Variants in KIAA0753 observed in about 807,000 individuals in gnomAD.
KIAA0753 encodes the protein KIAA0753.
Under a neutral mutation model 116.9 loss-of-function variants are expected in KIAA0753, and 114 were observed. That is an observed-to-expected ratio of 0.98 (90% CI 0.84 to 1.14). The LOEUF (loss-of-function observed/expected upper bound fraction) is 1.14, where lower values mean the gene tolerates loss of function less well. Ranked by LOEUF, KIAA0753 falls within the 50% of genes most tolerant of loss-of-function variation. The probability of loss-of-function intolerance (pLI) is 0.00; values close to 1 mark genes in which losing one functional copy is unlikely to be tolerated. For missense variants in KIAA0753, 1,156 were observed against 1,172.4 expected (o/e 0.99, Z 0.20); for synonymous variants, 405 against 413.1 (o/e 0.98, Z 0.24).
At chr17:6,592,145 G>A (rs1380813114) in intron 16 of KIAA0753, among the ~76,000 whole-genome samples, 1 of 152,184 alleles carries the variant, frequency 6.6e-6, no homozygotes. Flanking sequence ...AGGATTGAGG[G>A]GAAGAGAGAA....
At chr17:6,600,341 T>A (rs768861074) in intron 13 of KIAA0753, 39 bp downstream of exon 13, 1 of 1,508,012 alleles carries the variant, frequency 6.6e-7, no homozygotes, top group African/African-American at 1.4e-5. Context: ...ATCCAGGACT[T>A]CCAAAAAGCA....
chr17:6,595,256 C>T (rs540996269), intron 15 of KIAA0753, among the ~76,000 whole-genome samples: 4 of 152,298 alleles, frequency 2.6e-5, no homozygotes, highest in South Asian at 4.1e-4. Flanking sequence ...GGCAATCTAG[C>T]CCAGCACTGG....
chr17:6,587,559 A>G (rs1968671260), intron 18 of KIAA0753, among the ~76,000 whole-genome samples: 1 of 152,246 alleles, frequency 6.6e-6, no homozygotes. Flanking sequence ...AGGTTACAAG[A>G]AAATGAGTAC....
Position 6,604,808 on chromosome 17 carries a change from C to T in KIAA0753, c.2009+2065G>A, listed in dbSNP as rs1211466743. On this transcript the variant is annotated intron_variant, in intron 12 of 18. Coordinates refer to ENST00000361413, the MANE Select transcript of KIAA0753 (RefSeq NM_014804.3). ...GAAACTGGGTCTTCGTGTGACTCTA[C>T]GATTACCTCACAATAAGAAGTTTAA... Among the ~76,000 whole-genome samples, 4 of 152,084 alleles carry T rather than the reference C, an allele frequency of 2.6e-5. No individual in the cohort carries two copies. In the East Asian group the frequency reaches 5.8e-4, roughly 22 times the overall value.
At chr17:6,634,095 C>CTTTT (rs59023654) in intron 2 of KIAA0753, among the ~76,000 whole-genome samples, 10 of 130,174 alleles carry the variant, frequency 7.7e-5, no homozygotes, top group African/African-American at 8.5e-5. Context: ...AGGGTGAATT[C>CTTTT]TTTTTTTTTT....
At chr17:6,634,759 G>A in intron 2 of KIAA0753, 1 of 393,186 alleles carries the variant, frequency 2.5e-6, no homozygotes, top group Non-Finnish European at 4.7e-6. Flanking sequence ...ATAGTATCAT[G>A]ATTAAGTAGG....
chr17:6,595,975 A>C (rs1969443107), intron 15 of KIAA0753, among the ~76,000 whole-genome samples, 183 bp downstream of exon 15: 1 of 152,192 alleles, frequency 6.6e-6, no homozygotes, highest in South Asian at 2.1e-4. Context: ...TTATCCTTAA[A>C]ACTCCCTACT....
At chr17:6,632,200 C>G (rs1285938886) in intron 2 of KIAA0753, among the ~76,000 whole-genome samples, 1 of 152,132 alleles carries the variant, frequency 6.6e-6, no homozygotes, top group African/African-American at 2.4e-5. Flanking sequence ...CAACGCCCAG[C>G]CTTGGAGTGT....
chr17:6,622,155 C>T (rs539751799), intron 6 of KIAA0753, among the ~76,000 whole-genome samples: 34 of 152,174 alleles, frequency 2.2e-4, no homozygotes, highest in Non-Finnish European at 4.9e-4. Context: ...CGTAGGGGAA[C>T]TAATACTAGC....
In KIAA0753 at chr17:6,587,983, A is replaced by C. The variant is rs77551116; in HGVS notation, c.2786+1796T>G. On this transcript the variant is annotated intron_variant, in intron 18 of 18. Transcript: ENST00000361413. Reference sequence around the variant, plus strand: ...GGGGTGGGAGGGATGCCAGGCAAAAACAAGCTGATTTGTCCTATAAAACAT... The same window carrying C: ...GGGGTGGGAGGGATGCCAGGCAAAACCAAGCTGATTTGTCCTATAAAACAT... 3.1e-3 allele frequency among the ~76,000 whole-genome samples: 465 copies of C among 152,242 alleles called. 5 individuals carry two copies. The highest frequency in any genetic ancestry group is 0.011 in the African/African-American group (451 of 41,552).
At position 6,628,459 on chromosome 17, in the gene KIAA0753, G is replaced by C. The variant is rs759402026; in HGVS notation, c.376C>G (p.Pro126Ala). The C allele has an allele frequency of 3.1e-6, 5 of 1,614,132 alleles. No homozygotes were observed. In the Admixed American group the frequency reaches 8.3e-5, roughly 27 times the overall value. Reference protein sequence around the residue: ...HIKEHHLRSQPQSSQKCGHTK... With the variant: ...HIKEHHLRSQAQSSQKCGHTK... ...TGTCCACACTTCTGAGAGCTTTGAG[G>C]CTGACTTCTGAGATGATGTTCTTTT... The change falls in exon 3 of 19, where the codon CCT becomes GCT. Residue 126 changes from proline (P) to alanine (A), a missense_variant. Transcript: ENST00000361413.
intron 2 of KIAA0753, among the ~76,000 whole-genome samples, chr17:6,630,962 C>T (rs2150915764): frequency 1.3e-5 from 2 of 152,210 alleles, no homozygotes; most frequent in Middle Eastern, 6.8e-3. Context: ...TAGTTATCTA[C>T]AGGGAACTGG....
In KIAA0753 at chr17:6,612,153, A is replaced by C; in HGVS notation, c.1316-5T>G. 1.3e-6 allele frequency: 2 copies of C among 1,595,146 alleles called. No homozygotes were observed. Among genetic ancestry groups the C allele is most frequent in the Non-Finnish European group, 1.7e-6 (2 of 1,172,268 alleles). Reference sequence around the variant, plus strand: ...CCGTATCGGGCTGATACTTATCTACATGGAAATTTTTGAAAAACAAACTGA... The same window carrying C: ...CCGTATCGGGCTGATACTTATCTACCTGGAAATTTTTGAAAAACAAACTGA... On this transcript the variant is annotated splice_region_variant and splice_polypyrimidine_tract_variant and intron_variant, in intron 7 of 18. Transcript: ENST00000361413.
In KIAA0753 at chr17:6,609,998, T is replaced by C. The variant is rs1233788701; in HGVS notation, c.1708A>G (p.Lys570Glu). ...PNPTSPPASP[K>E]CAAWLKVKTS... Reference sequence around the variant, plus strand: ...GTCCCTTGAGTTTTCACATACCATTTAGGAGACGCTGGTGGGGATGTGGGG... The same window carrying C: ...GTCCCTTGAGTTTTCACATACCATTCAGGAGACGCTGGTGGGGATGTGGGG... Residue 570 changes from lysine (K) to glutamate (E), a missense_variant, in exon 9 of 19, where the codon AAA (lysine) becomes GAA (glutamate). Lys to Glu is a moderately conservative substitution (Grantham distance 56). Coordinates refer to ENST00000361413, the MANE Select transcript of KIAA0753 (RefSeq NM_014804.3). 6.2e-7 allele frequency: 1 copy of C among 1,614,076 alleles called. No individual in the cohort carries two copies. Among genetic ancestry groups the C allele is most frequent in the Non-Finnish European group, 8.5e-7 (1 of 1,179,962 alleles).
At chr17:6,581,420 T>C (rs1331315545) in intron 18 of KIAA0753, among the ~76,000 whole-genome samples, 1 of 152,228 alleles carries the variant, frequency 6.6e-6, no homozygotes, top group Admixed American at 6.5e-5. Flanking sequence ...ATTAATGATG[T>C]CAGTTAATTT....
At chr17:6,631,647 C>T (rs1488522745) in intron 2 of KIAA0753, among the ~76,000 whole-genome samples, 2 of 152,208 alleles carry the variant, frequency 1.3e-5, no homozygotes, top group East Asian at 1.9e-4. Flanking sequence ...CATGTGAGTA[C>T]GGGTGTGCAT....
At chr17:6,587,618 T>A (rs929298550) in intron 18 of KIAA0753, among the ~76,000 whole-genome samples, 4 of 152,250 alleles carry the variant, frequency 2.6e-5, no homozygotes, top group Non-Finnish European at 5.9e-5. Context: ...TCGCGTTTAC[T>A]TCTTCTCTTC....
chr17:6,584,012 T>C (rs895682249), intron 18 of KIAA0753, among the ~76,000 whole-genome samples: 2 of 152,150 alleles, frequency 1.3e-5, no homozygotes, highest in African/African-American at 4.8e-5. Context: ...CAATCCAATC[T>C]GAGATAATTT....
Position 6,603,047 on chromosome 17 carries a change from C to T in KIAA0753, c.2010-2589G>A, listed in dbSNP as rs1053872749. 2.0e-5 allele frequency among the ~76,000 whole-genome samples: 3 copies of T among 152,066 alleles called. No homozygotes were observed. In the East Asian group the frequency reaches 5.8e-4, roughly 29 times the overall value. On this transcript the variant is annotated intron_variant, in intron 12 of 18. Transcript: ENST00000361413. ...TTGGAGAATATAATAGAGCTCTCAA[C>T]ATTTTTAAATTTTAAAATTTAAACA...
Sources: allele counts gnomAD v4.1 joint callset (sites outside exome capture counted in the v4.1 genomes callset), GRCh38; gene constraint gnomAD v4.1.1; transcripts MANE v1.5; gene names NCBI Gene and HGNC (gene_info 2026-07-23, HGNC 2026-07-21).